ZNF462: variants seen among roughly 807,000 people sequenced by gnomAD.
The protein encoded by ZNF462 is zinc finger PBX1-interacting protein.
A neutral mutation model predicts 201.9 loss-of-function variants in ZNF462; 10 were observed. The ratio of observed to expected loss-of-function variants is 0.05; its 90% CI spans 0.03 to 0.08. The LOEUF (loss-of-function observed/expected upper bound fraction) is 0.08. Among genes scored for constraint, ZNF462 ranks in the 10% least tolerant of loss-of-function variants. The pLI is 1.00. For synonymous variants in ZNF462, 1,227 were observed against 1,193.3 expected (o/e 1.03, Z -0.58); for missense variants, 2,523 against 3,168.3 (o/e 0.80, Z 4.89).
At position 106,932,927 on chromosome 9, in the gene ZNF462, A is replaced by G. The variant is rs1830482253; in HGVS notation, c.6116+378A>G. 3.1e-6 allele frequency: 1 copy of G among 327,040 alleles called. No individual in the cohort carries two copies. The highest frequency in any genetic ancestry group is 4.8e-5 in the Admixed American group (1 of 20,760). The allele number at this position is 327,040 out of a possible 1,614,324, so 20.3% of individuals were successfully genotyped here. ...TAGAAAACTGAGTTGCTAAAGAGGT[A>G]AAATTAGGACTATTAACCCATGTGA... is the stretch of plus-strand genomic sequence containing the variant. On this transcript the variant is annotated intron_variant, in intron 5 of 12. Transcript: ENST00000277225. This position sits in a 1 kb window ranked among gnomAD's most constrained non-coding sequence, Gnocchi z 6.8.
chr9:106,982,175 A>G (rs1023365748), intron 9 of ZNF462, among the ~76,000 whole-genome samples: 1 of 152,208 alleles, frequency 6.6e-6, no homozygotes, highest in Non-Finnish European at 1.5e-5. Context: ...TACCCAGCGT[A>G]GTTGCAGTTA....
chr9:106,903,055 G>A (rs1829129679), intron 1 of ZNF462, among the ~76,000 whole-genome samples: 1 of 151,934 alleles, frequency 6.6e-6, no homozygotes, highest in Non-Finnish European at 1.5e-5. Context: ...ACTTTTTGAT[G>A]TAGATGTAGG....
intron 10 of ZNF462, among the ~76,000 whole-genome samples, chr9:106,991,839 TAC>T (rs200978759): frequency 0.22 from 29,776 of 135,908 alleles, 3,254 homozygotes; most frequent in East Asian, 0.32. Context: ...CAGCACTCTC[TAC>T]ACACACACAC....
At chr9:106,884,169 A>G (rs1253000667) in intron 1 of ZNF462, among the ~76,000 whole-genome samples, 1 of 152,218 alleles carries the variant, frequency 6.6e-6, no homozygotes, top group African/African-American at 2.4e-5. Context: ...AGGTTCTACC[A>G]CAGGAGAGGA....
At chr9:106,942,561 A>G (rs552418350) in intron 7 of ZNF462, among the ~76,000 whole-genome samples, 9 of 152,346 alleles carry the variant, frequency 5.9e-5, no homozygotes, top group African/African-American at 2.2e-4. Context: ...TAAACAATGC[A>G]TTAAGAGGAA....
In ZNF462 at chr9:106,993,373, C is replaced by G. The variant is rs1828436561; in HGVS notation, c.7056+8964C>G. 6.6e-6 allele frequency among the ~76,000 whole-genome samples: 1 copy of G among 152,048 alleles called. No individual in the cohort carries two copies. The highest frequency in any genetic ancestry group is 1.5e-5 in the Non-Finnish European group (1 of 67,984). Reference sequence around the variant, plus strand: ...AGGCTGCATGTTTATCCTCAGAAGCCAGAGTGCAAAAGGGATAACCATCAG... The same window carrying G: ...AGGCTGCATGTTTATCCTCAGAAGCGAGAGTGCAAAAGGGATAACCATCAG... On this transcript the variant is annotated intron_variant, in intron 10 of 12. Coordinates refer to ENST00000277225, the MANE Select transcript of ZNF462 (RefSeq NM_021224.6). This position sits in a 1 kb window ranked among gnomAD's most constrained non-coding sequence, Gnocchi z 4.0.
chr9:106,945,095 T>A (rs922325762), intron 7 of ZNF462, among the ~76,000 whole-genome samples: 3 of 152,202 alleles, frequency 2.0e-5, no homozygotes, highest in Non-Finnish European at 4.4e-5. Context: ...ATTAATCCAG[T>A]CTTTAATAAA....
intron 6 of ZNF462, among the ~76,000 whole-genome samples, chr9:106,937,751 A>G (rs1483449115): frequency 1.3e-5 from 2 of 152,126 alleles, no homozygotes; most frequent in East Asian, 3.9e-4. Flanking sequence ...TGTTATTATA[A>G]ACTCCAAGAA....
chr9:106,900,785 T>G (rs377093878), intron 1 of ZNF462, among the ~76,000 whole-genome samples: 10 of 152,142 alleles, frequency 6.6e-5, no homozygotes, highest in African/African-American at 2.4e-4. Context: ...TGGATATTAG[T>G]CTTTTGCCAG....
At chr9:106,940,603 C>T (rs1327006516) in intron 7 of ZNF462, among the ~76,000 whole-genome samples, 1 of 152,160 alleles carries the variant, frequency 6.6e-6, no homozygotes, top group Non-Finnish European at 1.5e-5. Context: ...TAGTGTTCAA[C>T]ACTATAGCTC....
Position 106,924,048 on chromosome 9 carries a change from A to G in ZNF462, c.221-85A>G. 1 of 1,164,294 alleles carries G rather than the reference A, an allele frequency of 8.6e-7. No individual in the cohort carries two copies. The highest frequency in any genetic ancestry group is 1.2e-6 in the Non-Finnish European group (1 of 831,350). 72.1% of individuals were successfully genotyped at this position (1,164,294 alleles called of 1,614,324 possible). On this transcript the variant is annotated intron_variant, in intron 2 of 12. Coordinates refer to ENST00000277225, the MANE Select transcript of ZNF462 (RefSeq NM_021224.6). The surrounding 1 kb of genome is among the most constrained non-coding windows in gnomAD (Gnocchi z 6.2). Reference sequence around the variant, plus strand: ...TTTTGCATGTGATGTTTAGTAATGAAGAATAATTGGAATGGTACTGATTTG... The same window carrying G: ...TTTTGCATGTGATGTTTAGTAATGAGGAATAATTGGAATGGTACTGATTTG...
chr9:106,942,897 G>A (rs1830934340), intron 7 of ZNF462, among the ~76,000 whole-genome samples: 1 of 152,022 alleles, frequency 6.6e-6, no homozygotes, highest in South Asian at 2.1e-4. Flanking sequence ...TTTCTCCCGG[G>A]GACTAATAAG....
upstream of ZNF462, among the ~76,000 whole-genome samples, chr9:106,861,906 C>G (rs1471625618): frequency 1.3e-5 from 2 of 152,184 alleles, no homozygotes; most frequent in Non-Finnish European, 2.9e-5. Flanking sequence ...ACTTTCCGAG[C>G]CTTTAGATGA....
Position 106,963,292 on chromosome 9 carries a change from A to T in ZNF462, c.6428-8713A>T, listed in dbSNP as rs1831923025. Among the ~76,000 whole-genome samples, 3 of 152,228 alleles carry T rather than the reference A, an allele frequency of 2.0e-5. No individual in the cohort carries two copies. The highest frequency in any genetic ancestry group is 2.0e-4 in the Admixed American group (3 of 15,274). On this transcript the variant is annotated intron_variant, in intron 7 of 12. Transcript: ENST00000277225. The surrounding 1 kb of genome is among the most constrained non-coding windows in gnomAD (Gnocchi z 4.7). The stretch of plus-strand genomic sequence containing the variant: ...TAAATCAGCAGACTTCTTGAGTCTG[A>T]GAATCATCTTGATAGCTCTGTGTTA...
At chr9:106,946,629 G>C (rs1350286669) in intron 7 of ZNF462, among the ~76,000 whole-genome samples, 3 of 152,056 alleles carry the variant, frequency 2.0e-5, no homozygotes, top group African/African-American at 7.2e-5. Context: ...CTAGAGTCGA[G>C]GGTATGTCCT....
At chr9:106,992,930 C>T (rs1284607078) in intron 10 of ZNF462, among the ~76,000 whole-genome samples, 1 of 152,042 alleles carries the variant, frequency 6.6e-6, no homozygotes, top group Non-Finnish European at 1.5e-5. Context: ...CTTTTTATGA[C>T]GTTCATCCTG....
intron 7 of ZNF462, among the ~76,000 whole-genome samples, chr9:106,943,063 T>C (rs548218147): frequency 2.5e-4 from 37 of 148,218 alleles, no homozygotes; most frequent in Admixed American, 1.2e-3. Context: ...CGCGCGCGTG[T>C]GTGTGTGTGT....
intron 1 of ZNF462, among the ~76,000 whole-genome samples, chr9:106,906,523 G>C (rs562343015): frequency 6.6e-6 from 1 of 152,230 alleles, no homozygotes; most frequent in Non-Finnish European, 1.5e-5. Flanking sequence ...TAACCTTAAG[G>C]CTGGAGTTTC....
At chr9:106,899,384 C>T (rs1488108532) in intron 1 of ZNF462, among the ~76,000 whole-genome samples, 2 of 152,058 alleles carry the variant, frequency 1.3e-5, no homozygotes, top group Non-Finnish European at 2.9e-5. Context: ...GCAGATGAGG[C>T]AGTGAGGACT....
Sources: gnomAD v4.1 joint callset for allele counts (sites outside exome capture counted in the v4.1 genomes callset) on GRCh38, gnomAD v4.1.1 for gene constraint, Gnocchi (gnomAD v3.1) non-coding constraint, MANE v1.5 for transcripts, NCBI Gene and HGNC (gene_info 2026-07-23, HGNC 2026-07-21) for gene names.